The following MED13L variants were observed in gnomAD, a reference collection of about 807,000 sequenced individuals.
MED13L encodes the protein mediator complex subunit 13L.
In MED13L, 7 loss-of-function variants were observed where a neutral mutation model predicts 220.9. The ratio of observed to expected loss-of-function variants is 0.03; its 90% CI spans 0.02 to 0.06. The LOEUF (loss-of-function observed/expected upper bound fraction) is 0.06. Among genes scored for constraint, MED13L ranks in the 10% least tolerant of loss-of-function variants. The probability of loss-of-function intolerance (pLI) is 1.00; values close to 1 mark genes in which losing one functional copy is unlikely to be tolerated. For synonymous variants in MED13L, 1,011 were observed against 1,015.2 expected, an observed-to-expected ratio of 1.00 and a Z score of 0.08; for missense variants, 1,965 against 2,760.5, an observed-to-expected ratio of 0.71 and a Z score of 6.46.
chr12:116,031,266 A>T (rs1486648869), intron 4 of MED13L, among the ~76,000 whole-genome samples: 1 of 152,094 alleles, frequency 6.6e-6, no homozygotes, highest in Non-Finnish European at 1.5e-5. Flanking sequence ...TAAGACAAGA[A>T]AAGAAAAAAG....
At chr12:116,019,629 A>G in intron 6 of MED13L, 149 bp downstream of exon 6, 3 of 1,111,850 alleles carry the variant, frequency 2.7e-6, no homozygotes, top group Non-Finnish European at 4.0e-6. Context: ...TTCAGGCAAG[A>G]TAACTACTCA....
chr12:116,027,856 C>T (rs1008403242), intron 4 of MED13L, among the ~76,000 whole-genome samples: 3 of 152,180 alleles, frequency 2.0e-5, no homozygotes, highest in Non-Finnish European at 2.9e-5. Flanking sequence ...ACAAATTCAA[C>T]AATGAGTTGT....
chr12:116,015,087 A>G, intron 8 of MED13L, 22 bp downstream of exon 8: 1 of 1,603,562 alleles, frequency 6.2e-7, no homozygotes, highest in Non-Finnish European at 8.5e-7. Flanking sequence ...ACTATGATCT[A>G]GACATAATCG....
intron 2 of MED13L, among the ~76,000 whole-genome samples, chr12:116,131,939 C>T (rs545090791): frequency 1.2e-3 from 188 of 151,558 alleles, no homozygotes; most frequent in Non-Finnish European, 1.8e-3. Flanking sequence ...GCCGAGATCA[C>T]GCCACTGCAC....
chr12:116,208,357 T>G (rs951662490), intron 2 of MED13L, among the ~76,000 whole-genome samples: 1 of 152,148 alleles, frequency 6.6e-6, no homozygotes, highest in Admixed American at 6.5e-5. Flanking sequence ...GATCGTGCCA[T>G]TGCACTCCAG....
chr12:116,111,649 G>C (rs537540003), intron 2 of MED13L, 137 bp from the exon 3 acceptor site: 3 of 690,254 alleles, frequency 4.3e-6, no homozygotes, highest in Admixed American at 5.6e-5. Context: ...CGCTGAAACA[G>C]AGAGTGGAAT....
chr12:116,039,142 T>TTTTA (rs1881375233), intron 4 of MED13L, among the ~76,000 whole-genome samples: 1 of 152,238 alleles, frequency 6.6e-6, no homozygotes, highest in Non-Finnish European at 1.5e-5. Flanking sequence ...CTAGTTATAT[T>TTTTA]TTTAAAGGCA....
chr12:116,071,226 T>C (rs10850593), intron 4 of MED13L, among the ~76,000 whole-genome samples: 15,300 of 152,180 alleles, frequency 0.1, 1,490 homozygotes, highest in East Asian at 0.39. Context: ...CATTTCAATG[T>C]AGTTTGAGAC....
At chr12:116,036,432 T>A (rs561980580) in intron 4 of MED13L, among the ~76,000 whole-genome samples, 7 of 152,348 alleles carry the variant, frequency 4.6e-5, no homozygotes, top group African/African-American at 1.7e-4. Flanking sequence ...GTGCTCCAGA[T>A]CATTTTATTC....
At chr12:116,190,862 C>T (rs184370981) in intron 2 of MED13L, among the ~76,000 whole-genome samples, 4 of 152,086 alleles carry the variant, frequency 2.6e-5, no homozygotes, top group Non-Finnish European at 5.9e-5. Flanking sequence ...GAGGCCAAGG[C>T]GGGTGGATCA....
intron 4 of MED13L, among the ~76,000 whole-genome samples, chr12:116,037,089 T>G (rs143272933): frequency 6.6e-6 from 1 of 152,296 alleles, no homozygotes; most frequent in African/African-American, 2.4e-5. Context: ...ACCATTACAG[T>G]TCTATGAATA....
intron 17 of MED13L, among the ~76,000 whole-genome samples, chr12:115,988,117 C>A (rs987761032): frequency 6.6e-6 from 1 of 152,186 alleles, no homozygotes; most frequent in Non-Finnish European, 1.5e-5. Context: ...CTCTGCCTCC[C>A]TCTTACCCTT....
At position 116,132,751 on chromosome 12, in the gene MED13L, C is replaced by G. The variant is rs1050114515; in HGVS notation, c.311-21239G>C. On this transcript the variant is annotated intron_variant, in intron 2 of 30. Coordinates refer to ENST00000281928, the MANE Select transcript of MED13L (RefSeq NM_015335.5). The stretch of plus-strand genomic sequence containing the variant: ...ACTGGCCAACATGGCGAAACCCTGT[C>G]TCTACTAAAAATACAAAAATTAGCC... Among the ~76,000 whole-genome samples, 7 of 152,174 alleles carry G rather than the reference C, an allele frequency of 4.6e-5. No homozygotes were observed. In the South Asian group the frequency reaches 1.0e-3, roughly 23 times the overall value.
At chr12:116,127,939 T>G (rs1875734279) in intron 2 of MED13L, among the ~76,000 whole-genome samples, 1 of 152,166 alleles carries the variant, frequency 6.6e-6, no homozygotes, top group Non-Finnish European at 1.5e-5. Flanking sequence ...ACACCCTCTG[T>G]GTACTCATTT....
Position 116,012,820 on chromosome 12 carries a change from T to C in MED13L, c.1257A>G (p.Gln419=), listed in dbSNP as rs1879497503. The change falls in exon 9 of 31, where the codon CAA becomes CAG. Residue 419 remains glutamine, a synonymous_variant. Coordinates refer to ENST00000281928, the MANE Select transcript of MED13L (RefSeq NM_015335.5). ...ACCTGGAACAAGAACAGCTGACTCT[T>C]TGGGTTGGATCCACAAAATCCCAAG... is the stretch of plus-strand genomic sequence containing the variant. ...PATWDFVDPT[Q]RVSCSCSRHK... The C allele has an allele frequency of 6.2e-7, 1 of 1,613,534 alleles. No homozygotes were observed. Among genetic ancestry groups the C allele is most frequent in the African/African-American group, 1.3e-5 (1 of 74,912 alleles).
At position 116,013,970 on chromosome 12, in the gene MED13L, A is replaced by C. The variant is rs937120161; in HGVS notation, c.1176-1069T>G. ...ATAAGTGAAAGGAAAAGAAAAAGAA[A>C]ATGTTTACTTGGAAATAATCTAGGC... On this transcript the variant is annotated intron_variant, in intron 8 of 30. Transcript: ENST00000281928. 8.5e-5 allele frequency among the ~76,000 whole-genome samples: 13 copies of C among 152,222 alleles called. 1 individual carries two copies. Among genetic ancestry groups the C allele is most frequent in the African/African-American group, 2.9e-4 (12 of 41,452 alleles).
intron 1 of MED13L, among the ~76,000 whole-genome samples, chr12:116,254,185 G>C (rs1037751546): frequency 2.6e-5 from 4 of 152,080 alleles, no homozygotes; most frequent in Admixed American, 6.5e-5. Context: ...AACAAGGTAA[G>C]GATGTACACT....
chr12:115,959,720 A>T lies in MED13L; in HGVS notation c.*1546T>A, dbSNP rs925633049. ...GAACAAAATTATCCATTTACAAGTT[A>T]TTTCTCTGCTTTCACATTCCCACCA... On this transcript the variant is annotated 3_prime_UTR_variant, in exon 31 of 31. Coordinates refer to ENST00000281928, the MANE Select transcript of MED13L (RefSeq NM_015335.5). 2 of 152,582 alleles carry T rather than the reference A, an allele frequency of 1.3e-5. No homozygotes were observed. Among genetic ancestry groups the T allele is most frequent in the Admixed American group, 6.5e-5 (1 of 15,284 alleles). 9.5% of individuals were successfully genotyped at this position (152,582 alleles called of 1,614,324 possible). A position where few individuals can be genotyped will look rare whatever the true frequency, so the allele number is the denominator to read the frequency against.
intron 1 of MED13L, among the ~76,000 whole-genome samples, chr12:116,247,858 TAA>T (rs535187221): frequency 1.8e-4 from 27 of 152,202 alleles, no homozygotes; most frequent in Admixed American, 7.2e-4. Context: ...TATTTGACAA[TAA>T]GTTTACTACA....
Sources: gnomAD v4.1 joint callset for allele counts (sites outside exome capture counted in the v4.1 genomes callset) on GRCh38, gnomAD v4.1.1 for gene constraint, MANE v1.5 for transcripts, NCBI Gene and HGNC (gene_info 2026-07-23, HGNC 2026-07-21) for gene names.